Variants in MCC observed in about 807,000 individuals in gnomAD.
The protein encoded by MCC is colorectal mutant cancer protein.
MCC carries 90 observed loss-of-function variants against 116.2 expected under a neutral mutation model. The ratio of observed to expected loss-of-function variants is 0.77; its 90% CI spans 0.65 to 0.92. MCC has a LOEUF of 0.92. Ranked by LOEUF, MCC falls within the 40% of genes least tolerant of loss-of-function variation. The probability of loss-of-function intolerance (pLI) is 0.00; values close to 1 mark genes in which losing one functional copy is unlikely to be tolerated. For missense variants in MCC, 1,516 were observed against 1,312.2 expected (o/e 1.16, Z -2.40); for synonymous variants, 578 against 510.5 (o/e 1.13, Z -1.78).
chr5:113,123,133 T>G (rs1757834112), intron 5 of MCC, among the ~76,000 whole-genome samples: 1 of 152,154 alleles, frequency 6.6e-6, no homozygotes, highest in Admixed American at 6.5e-5. Context: ...CTCCTCAAAT[T>G]CCGAGGAGAA....
chr5:113,419,966 A>G (rs1444537925), intron 1 of MCC, among the ~76,000 whole-genome samples: 1 of 151,660 alleles, frequency 6.6e-6, no homozygotes, highest in African/African-American at 2.4e-5. Flanking sequence ...GCACATGTAT[A>G]CATATGTAAC....
chr5:113,296,337 A>G (rs530604083), intron 3 of MCC, among the ~76,000 whole-genome samples: 1 of 152,338 alleles, frequency 6.6e-6, no homozygotes, highest in Admixed American at 6.5e-5. Context: ...AGAAATGACA[A>G]TTCTAGATAG....
In MCC at chr5:113,319,438, T is replaced by C. The variant is rs1384988635; in HGVS notation, c.627+21081A>G. On this transcript the variant is annotated intron_variant, in intron 3 of 18. Transcript: ENST00000408903. ...ATTCTTGTCGTATGATACCGTCCTA[T>C]TTGATGCCATGTGGTGTGCCACCTG... 1.3e-5 allele frequency among the ~76,000 whole-genome samples: 2 copies of C among 152,198 alleles called. 1 individual carries two copies. The highest frequency in any genetic ancestry group is 3.9e-4 in the East Asian group (2 of 5,190).
chr5:113,249,936 A>C (rs1257819236), intron 3 of MCC, among the ~76,000 whole-genome samples: 1 of 152,078 alleles, frequency 6.6e-6, no homozygotes, highest in East Asian at 1.9e-4. Flanking sequence ...TTCAGACTCC[A>C]ATGCACAGTT....
intron 16 of MCC, chr5:113,048,641 G>A (rs1236329615): frequency 4.6e-6 from 1 of 217,514 alleles, no homozygotes; most frequent in East Asian, 1.0e-4. Context: ...ACACAGGTAT[G>A]TATGTATAGG....
chr5:113,275,451 G>T (rs1241420523), intron 3 of MCC, among the ~76,000 whole-genome samples: 3 of 152,156 alleles, frequency 2.0e-5, no homozygotes, highest in Non-Finnish European at 4.4e-5. Context: ...ATGCGTAATT[G>T]TAGCAATTTT....
At chr5:113,338,498 A>C (rs1402488912) in intron 3 of MCC, among the ~76,000 whole-genome samples, 1 of 152,200 alleles carries the variant, frequency 6.6e-6, no homozygotes, top group Non-Finnish European at 1.5e-5. Context: ...CAGAGATAGG[A>C]AACAGCCAAC....
intron 3 of MCC, among the ~76,000 whole-genome samples, chr5:113,317,818 G>A (rs1767322866): frequency 6.6e-6 from 1 of 152,172 alleles, no homozygotes; most frequent in African/African-American, 2.4e-5. Flanking sequence ...TACTAAGTTG[G>A]CTACTTCAGA....
intron 14 of MCC, among the ~76,000 whole-genome samples, chr5:113,060,752 T>C (rs1042464238): frequency 6.6e-6 from 1 of 152,238 alleles, no homozygotes; most frequent in African/African-American, 2.4e-5. Context: ...ATGAGGACAT[T>C]TGAGCAGGAG....
chr5:113,420,824 T>G (rs542234685), intron 1 of MCC, among the ~76,000 whole-genome samples: 1 of 152,304 alleles, frequency 6.6e-6, no homozygotes, highest in Non-Finnish European at 1.5e-5. Flanking sequence ...CTACACTGAC[T>G]TTTTTCCTGC....
At chr5:113,136,881 T>C (rs895357950) in intron 5 of MCC, among the ~76,000 whole-genome samples, 11 of 152,224 alleles carry the variant, frequency 7.2e-5, no homozygotes, top group African/African-American at 2.7e-4. Context: ...TAGCCAGGAC[T>C]TCCTGTTTTA....
At chr5:113,109,414 G>C (rs1756944618) in intron 6 of MCC, among the ~76,000 whole-genome samples, 1 of 152,120 alleles carries the variant, frequency 6.6e-6, no homozygotes, top group South Asian at 2.1e-4. Context: ...GACACAACAT[G>C]ACAAATATTT....
In MCC at chr5:113,359,387, T is replaced by C. The variant is rs572397426; in HGVS notation, c.416-18657A>G. Among the ~76,000 whole-genome samples the C allele has an allele frequency of 2.0e-5, 3 of 152,366 alleles. No homozygotes were observed. The East Asian group carries it at 5.8e-4, about 29-fold the overall frequency. On this transcript the variant is annotated intron_variant, in intron 2 of 18. Coordinates refer to ENST00000408903, the MANE Select transcript of MCC (RefSeq NM_001085377.2). ...AATGTCCCACTGTGCCCAAGTGAGT[T>C]CAGCAATCCTTGATGTCTTTAAGCA...
intron 2 of MCC, among the ~76,000 whole-genome samples, chr5:113,345,162 G>A (rs1419457443): frequency 6.6e-6 from 1 of 152,202 alleles, no homozygotes; most frequent in Non-Finnish European, 1.5e-5. Context: ...GCCACTGAGA[G>A]AGGCTCCTCT....
chr5:113,334,552 A>T (rs1304800682), intron 3 of MCC, among the ~76,000 whole-genome samples: 1 of 148,588 alleles, frequency 6.7e-6, no homozygotes, highest in South Asian at 2.1e-4. Flanking sequence ...AATCAGTCTC[A>T]ATCACTTGGA....
At position 113,198,629 on chromosome 5, in the gene MCC, G is replaced by C. The variant is rs56810998; in HGVS notation, c.628-47207C>G. Among the ~76,000 whole-genome samples, 908 of 151,592 alleles carry C rather than the reference G, an allele frequency of 6.0e-3. 8 individuals carry two copies. Among genetic ancestry groups the C allele is most frequent in the African/African-American group, 0.021 (871 of 41,280 alleles). On this transcript the variant is annotated intron_variant, in intron 3 of 18. Transcript: ENST00000408903. The stretch of plus-strand genomic sequence containing the variant: ...TGAGGCAGGAGGATCTCTTGAGCCT[G>C]GGAGGTTGAGGCTGTAGAGAGCAGT...
chr5:113,095,410 C>T (rs28651381), intron 8 of MCC, among the ~76,000 whole-genome samples: 12,623 of 152,186 alleles, frequency 0.083, 570 homozygotes, highest in African/African-American at 0.1. Context: ...AATAATAGTA[C>T]CTATCAGCTA....
chr5:113,175,524 T>C (rs1317876027), intron 3 of MCC, among the ~76,000 whole-genome samples: 1 of 152,184 alleles, frequency 6.6e-6, no homozygotes. Context: ...TCACTGTAGT[T>C]AGTGTTCAAT....
chr5:113,386,814 T>TACACATACACACACAC (rs70973681), intron 1 of MCC, among the ~76,000 whole-genome samples: 1 of 149,714 alleles, frequency 6.7e-6, no homozygotes, highest in Non-Finnish European at 1.5e-5. Flanking sequence ...CATATACACA[T>TACACATACACACACAC]ACACATATAT....
Sources: gnomAD v4.1 joint callset for allele counts (sites outside exome capture counted in the v4.1 genomes callset) on GRCh38, gnomAD v4.1.1 for gene constraint, MANE v1.5 for transcripts, NCBI Gene and HGNC (gene_info 2026-07-23, HGNC 2026-07-21) for gene names.